SHROOM3: variants seen among roughly 807,000 people sequenced by gnomAD.
SHROOM3 encodes the protein protein Shroom3.
Under a neutral mutation model 138.6 loss-of-function variants are expected in SHROOM3, and 47 were observed. The observed-to-expected ratio is 0.34, with a 90% CI of 0.27 to 0.43. SHROOM3 has a LOEUF of 0.43. Ranked by LOEUF, SHROOM3 falls within the 20% of genes least tolerant of loss-of-function variation. The pLI is 1.00. For synonymous variants in SHROOM3, 1,062 were observed against 1,063.3 expected (o/e 1.00, Z 0.02); for missense variants, 2,491 against 2,596.5 (o/e 0.96, Z 0.88).
chr4:76,689,052 G>A, intron 2 of SHROOM3: 1 of 614,854 alleles, frequency 1.6e-6, no homozygotes, highest in Non-Finnish European at 2.0e-6. Context: ...TCTGAAAAGC[G>A]AGCGCGGGCT....
chr4:76,566,274 G>A (rs1423318341), intron 2 of SHROOM3, among the ~76,000 whole-genome samples: 2 of 152,050 alleles, frequency 1.3e-5, no homozygotes, highest in African/African-American at 4.8e-5. Flanking sequence ...ATGATTTAAA[G>A]TATACAGGAG....
chr4:76,582,334 A>G (rs1027384734), intron 2 of SHROOM3, among the ~76,000 whole-genome samples: 3 of 152,052 alleles, frequency 2.0e-5, no homozygotes, highest in African/African-American at 7.2e-5. Context: ...ACCTTACAAC[A>G]CCTAGAGAAT....
intron 1 of SHROOM3, among the ~76,000 whole-genome samples, chr4:76,496,338 C>G (rs1731968841): frequency 6.6e-6 from 1 of 152,184 alleles, no homozygotes; most frequent in South Asian, 2.1e-4. Flanking sequence ...TGCCCCAAGT[C>G]CCAGAGATGC....
At position 76,480,595 on chromosome 4, in the gene SHROOM3, G is replaced by A. The variant is rs1052849205; in HGVS notation, c.168+44375G>A. Among the ~76,000 whole-genome samples, 5 of 152,238 alleles carry A rather than the reference G, an allele frequency of 3.3e-5. No individual in the cohort carries two copies. The South Asian group carries it at 1.0e-3, about 32-fold the overall frequency. On this transcript the variant is annotated intron_variant, in intron 1 of 10. Coordinates refer to ENST00000296043, the MANE Select transcript of SHROOM3 (RefSeq NM_020859.4). ...ATCAGTGAGACAGAAAATTAACAAG[G>A]ATATTCAGGACTTGAACTCAGCTCT...
chr4:76,544,490 C>T (rs1733170721), intron 1 of SHROOM3, among the ~76,000 whole-genome samples: 1 of 143,314 alleles, frequency 7.0e-6, no homozygotes, highest in Admixed American at 7.4e-5. Context: ...AATCTCGGCT[C>T]ACTGCAGCCT....
intron 1 of SHROOM3, among the ~76,000 whole-genome samples, chr4:76,482,193 TAAG>T (rs892297219): frequency 2.6e-5 from 4 of 152,108 alleles, no homozygotes; most frequent in Non-Finnish European, 2.9e-5. Flanking sequence ...GGTATTCAAA[TAAG>T]AAGAGAGGAA....
intron 1 of SHROOM3, among the ~76,000 whole-genome samples, chr4:76,543,339 CTGGAAAGTCCTGGAGGTATATGAGAGTG>C (rs1348639995): frequency 2.2e-4 from 33 of 152,166 alleles, no homozygotes; most frequent in Middle Eastern, 6.8e-3. Context: ...GAAGCTGCAC[CTGGAAAGTCCTGGAGGTATATGAGAGTG>C]TGGAAAGTCC....
rs535385990 is a variant in SHROOM3 at position 76,670,578 on chromosome 4, G to C, written c.324-39578G>C. On this transcript the variant is annotated intron_variant, in intron 2 of 10. Coordinates refer to ENST00000296043, the MANE Select transcript of SHROOM3 (RefSeq NM_020859.4). ...TTTTTTTAAAAAAGGCATTTTATTT[G>C]AAAAATAACTTAGATATTTTATATT... Among the ~76,000 whole-genome samples, 14 of 152,160 alleles carry C rather than the reference G, an allele frequency of 9.2e-5. No homozygotes were observed. The South Asian group carries it at 2.9e-3, about 32-fold the overall frequency.
intron 1 of SHROOM3, among the ~76,000 whole-genome samples, chr4:76,522,260 G>T (rs933488433): frequency 6.8e-6 from 1 of 146,634 alleles, no homozygotes; most frequent in African/African-American, 2.5e-5. Flanking sequence ...ATATACTTAT[G>T]ATATTAAGTA....
chr4:76,571,513 A>G (rs1438569733), intron 2 of SHROOM3, among the ~76,000 whole-genome samples: 1 of 152,378 alleles, frequency 6.6e-6, no homozygotes, highest in Admixed American at 6.5e-5. Flanking sequence ...CTCATTTGAC[A>G]TTAGCAAGTT....
rs186630208 is a variant in SHROOM3, at chr4:76,666,342, C to T, written c.324-43814C>T. Among the ~76,000 whole-genome samples, 38 of 152,326 alleles carry T rather than the reference C, an allele frequency of 2.5e-4. 1 individual carries two copies. In the South Asian group the frequency reaches 7.3e-3, roughly 29 times the overall value. ...CAGCCTGCCTGGTGTAATCACGGCT[C>T]ACTGCAGCCTCTACCTCCAGGTCTC... On this transcript the variant is annotated intron_variant, in intron 2 of 10. Transcript: ENST00000296043.
chr4:76,437,908 T>C (rs1730592761), intron 1 of SHROOM3, among the ~76,000 whole-genome samples: 1 of 152,222 alleles, frequency 6.6e-6, no homozygotes, highest in African/African-American at 2.4e-5. Flanking sequence ...TCTGACAGTT[T>C]GCTGACAGAA....
In SHROOM3 at chr4:76,741,549, G is replaced by A. The variant is rs1721256612; in HGVS notation, c.3376G>A (p.Ala1126Thr). Residue 1126 changes from alanine (A) to threonine (T), a missense_variant, in exon 5 of 11, where the codon GCG becomes ACG. Ala to Thr is a moderately conservative substitution (Grantham distance 58). Transcript: ENST00000296043. This position sits in a 1 kb window ranked among gnomAD's most constrained non-coding sequence, Gnocchi z 6.2. ...AQSAYLQPGP[A>T]ALEGSGLASA... is the part of the protein sequence containing the mutation. ...GAGTGCCTACCTCCAGCCCGGCCCC[G>A]CGGCGCTCGAAGGCTCCGGCCTCGC... The A allele has an allele frequency of 2.6e-6, 4 of 1,547,682 alleles. No homozygotes were observed.
chr4:76,555,823 C>A, intron 2 of SHROOM3, 60 bp downstream of exon 2: 1 of 1,573,592 alleles, frequency 6.4e-7, no homozygotes, highest in East Asian at 2.3e-5. Flanking sequence ...TCTCCCTACC[C>A]TACCCCACCT....
chr4:76,657,970 GA>G (rs1736101121), intron 2 of SHROOM3, among the ~76,000 whole-genome samples: 1 of 152,174 alleles, frequency 6.6e-6, no homozygotes, highest in Non-Finnish European at 1.5e-5. Flanking sequence ...GGGCTGTTGG[GA>G]AACCATTGGT....
intron 2 of SHROOM3, among the ~76,000 whole-genome samples, chr4:76,684,819 T>C (rs1470453578): frequency 6.6e-6 from 1 of 152,184 alleles, no homozygotes; most frequent in Non-Finnish European, 1.5e-5. Context: ...ACAAAGTAAC[T>C]CTGAGACGCT....
intron 2 of SHROOM3, among the ~76,000 whole-genome samples, chr4:76,654,914 T>C (rs905268292): frequency 1.3e-5 from 2 of 152,130 alleles, no homozygotes; most frequent in Admixed American, 6.5e-5. Flanking sequence ...AGCTATTGAG[T>C]AGAGAAGCCA....
intron 1 of SHROOM3, among the ~76,000 whole-genome samples, chr4:76,440,989 T>G (rs1211272373): frequency 6.6e-6 from 1 of 151,866 alleles, no homozygotes; most frequent in African/African-American, 2.4e-5. Flanking sequence ...CTGACTCTAT[T>G]TCATCAACAG....
At chr4:76,447,873 A>C (rs1730845656) in intron 1 of SHROOM3, among the ~76,000 whole-genome samples, 1 of 152,144 alleles carries the variant, frequency 6.6e-6, no homozygotes, top group Admixed American at 6.5e-5. Context: ...ATGTAAGTCA[A>C]TAAATTTGAC....
Sources: allele counts gnomAD v4.1 joint callset (sites outside exome capture counted in the v4.1 genomes callset), GRCh38; gene constraint gnomAD v4.1.1; non-coding constraint Gnocchi (gnomAD v3.1); transcripts MANE v1.5; gene names NCBI Gene and HGNC (gene_info 2026-07-23, HGNC 2026-07-21).